The following KMT2E variants were observed in gnomAD, a reference collection of about 807,000 sequenced individuals.
KMT2E encodes the protein histone reader KMT2E.
In KMT2E, 30 loss-of-function variants were observed where a neutral mutation model predicts 184.6. The ratio of observed to expected loss-of-function variants is 0.16; its 90% CI spans 0.12 to 0.22. KMT2E has a LOEUF of 0.22. Ranked by LOEUF, KMT2E falls within the 10% of genes least tolerant of loss-of-function variation. The pLI, the probability that KMT2E is intolerant of heterozygous loss-of-function variation, is 1.00. For missense variants in KMT2E, 2,023 were observed against 2,237.4 expected (o/e 0.90, Z 1.93); for synonymous variants, 815 against 776.5 (o/e 1.05, Z -0.82).
In KMT2E at chr7:105,016,938, A is replaced by G. The variant is rs116907469; in HGVS notation, c.-189+2403A>G. Among the ~76,000 whole-genome samples the G allele has an allele frequency of 3.7e-3, 562 of 152,352 alleles. 15 individuals carry two copies. The East Asian group carries it at 0.063, about 17-fold the overall frequency. On this transcript the variant is annotated intron_variant, in intron 1 of 26. Coordinates refer to ENST00000311117, the MANE Select transcript of KMT2E (RefSeq NM_182931.3). ...TTCATCATGGAAGACTGAGCACACAACCTTACTTAGAATATTTGAAATATT... is the reference window on the plus strand; with the variant it reads ...TTCATCATGGAAGACTGAGCACACAGCCTTACTTAGAATATTTGAAATATT...
intron 6 of KMT2E, among the ~76,000 whole-genome samples, chr7:105,070,971 G>A (rs1473219248): frequency 1.3e-5 from 2 of 152,120 alleles, no homozygotes; most frequent in African/African-American, 4.8e-5. Context: ...AGTCAAATAT[G>A]TAAAGCAAGG....
At chr7:105,082,864 C>T (rs1048767404) in intron 13 of KMT2E, among the ~76,000 whole-genome samples, 5 of 152,164 alleles carry the variant, frequency 3.3e-5, no homozygotes, top group Admixed American at 6.5e-5. Flanking sequence ...GCCCTTCTGC[C>T]AGATTGTCTA....
intron 3 of KMT2E, among the ~76,000 whole-genome samples, chr7:105,047,858 A>G (rs1380075374): frequency 6.6e-6 from 1 of 152,214 alleles, no homozygotes; most frequent in Non-Finnish European, 1.5e-5. Context: ...ATAAAAGGAA[A>G]ACAACTCTGG....
intron 3 of KMT2E, among the ~76,000 whole-genome samples, chr7:105,049,407 A>G (rs1343170127): frequency 6.6e-6 from 1 of 151,492 alleles, no homozygotes; most frequent in Admixed American, 6.6e-5. Context: ...TCACACCACT[A>G]CATTCTAGCC....
chr7:105,019,411 C>A (rs1454625728), intron 1 of KMT2E, among the ~76,000 whole-genome samples: 1 of 152,036 alleles, frequency 6.6e-6, no homozygotes, highest in Non-Finnish European at 1.5e-5. Context: ...TATTGGAAAT[C>A]TCGTTTGGTT....
chr7:105,023,240 A>AAAAT (rs1326296371), intron 1 of KMT2E, among the ~76,000 whole-genome samples: 1 of 151,846 alleles, frequency 6.6e-6, no homozygotes, highest in Non-Finnish European at 1.5e-5. Context: ...GTCTCTACTA[A>AAAAT]AAATACAAAA....
intron 5 of KMT2E, 134 bp downstream of exon 5, chr7:105,063,714 C>G: frequency 1.6e-6 from 1 of 628,330 alleles, no homozygotes; most frequent in South Asian, 2.2e-5. Flanking sequence ...ACTATTGATG[C>G]AGTCCTAGAA....
At position 105,112,628 on chromosome 7, in the gene KMT2E, C is replaced by T. The variant is rs372628467; in HGVS notation, c.4872C>T (p.Ala1624=). ...CCATTCACCATCAAACTGCTGCTGC[C>T]GTAGTCCCCCCTCCTCCTCCACCAC... is the stretch of plus-strand genomic sequence containing the variant. The part of the protein sequence containing the change: ...NPTIHHQTAA[A]VVPPPPPPPP... The change falls in exon 27 of 27, where the codon GCC becomes GCT. Residue 1624 remains alanine (A), a synonymous_variant. Coordinates refer to ENST00000311117, the MANE Select transcript of KMT2E (RefSeq NM_182931.3). 46 of 1,613,740 alleles carry T rather than the reference C, an allele frequency of 2.9e-5. No homozygotes were observed. Among genetic ancestry groups the T allele is most frequent in the African/African-American group, 5.3e-5 (4 of 74,782 alleles).
chr7:105,107,089 G>T, intron 20 of KMT2E, 77 bp from the exon 21 acceptor site: 1 of 839,098 alleles, frequency 1.2e-6, no homozygotes, highest in Non-Finnish European at 1.8e-6. Context: ...TTTTCATTTT[G>T]TTTTCATTTC....
chr7:105,023,399 TC>T, intron 1 of KMT2E, among the ~76,000 whole-genome samples: 1 of 74,192 alleles, frequency 1.3e-5, no homozygotes, highest in Middle Eastern at 5.6e-3. Context: ...TGAGACTCTG[TC>T]TCAAAAAAAA....
intron 3 of KMT2E, among the ~76,000 whole-genome samples, chr7:105,054,169 T>G (rs1308921004): frequency 6.7e-6 from 1 of 149,380 alleles, no homozygotes; most frequent in Non-Finnish European, 1.5e-5. Flanking sequence ...AGACTCTGTC[T>G]CAAAAAAAAA....
At chr7:105,046,707 AAGT>A (rs1407610559) in intron 3 of KMT2E, among the ~76,000 whole-genome samples, 10 of 152,218 alleles carry the variant, frequency 6.6e-5, no homozygotes, top group African/African-American at 2.4e-4. Flanking sequence ...GTATAGGAGA[AAGT>A]AGGTTTATAG....
intron 9 of KMT2E, 26 bp from the exon 10 acceptor site, chr7:105,076,937 T>C: frequency 1.5e-6 from 2 of 1,320,426 alleles, no homozygotes; most frequent in Non-Finnish European, 2.2e-6. Flanking sequence ...TAAGTCCAGA[T>C]ACTAAAGCTC....
chr7:105,113,463 T>A lies in KMT2E; in HGVS notation c.*130T>A. 9.5e-7 allele frequency: 1 copy of A among 1,048,882 alleles called. No homozygotes were observed. Among genetic ancestry groups the A allele is most frequent in the Non-Finnish European group, 1.3e-6 (1 of 761,430 alleles). 65.0% of individuals were successfully genotyped at this position (1,048,882 alleles called of 1,614,324 possible). On this transcript the variant is annotated 3_prime_UTR_variant, in exon 27 of 27. Coordinates refer to ENST00000311117, the MANE Select transcript of KMT2E (RefSeq NM_182931.3). Reference sequence around the variant, plus strand: ...AAAAAACACCAGTGCTCTTTCGTTGTATTTTTCTCATTTTTGCTTTTTAAA... The same window carrying A: ...AAAAAACACCAGTGCTCTTTCGTTGAATTTTTCTCATTTTTGCTTTTTAAA...
chr7:105,079,275 C>T (rs1797657712), intron 12 of KMT2E, among the ~76,000 whole-genome samples: 1 of 151,524 alleles, frequency 6.6e-6, no homozygotes, highest in Non-Finnish European at 1.5e-5. Context: ...GGTGGGATTA[C>T]AGGCACGCAC....
At chr7:105,030,533 G>A (rs1282019242) in intron 1 of KMT2E, among the ~76,000 whole-genome samples, 1 of 152,216 alleles carries the variant, frequency 6.6e-6, no homozygotes, top group Non-Finnish European at 1.5e-5. Flanking sequence ...GAATTACTGT[G>A]AACTACACTT....
chr7:105,080,938 G>C (rs910038672), intron 12 of KMT2E, among the ~76,000 whole-genome samples: 10 of 152,102 alleles, frequency 6.6e-5, no homozygotes, highest in Non-Finnish European at 1.3e-4. Flanking sequence ...GAGAGGTTGG[G>C]GTTGCAGTGA....
chr7:105,110,403 T>A, intron 24 of KMT2E, 35 bp downstream of exon 24: 1 of 1,613,770 alleles, frequency 6.2e-7, no homozygotes, highest in Non-Finnish European at 8.5e-7. Flanking sequence ...GAAAGTGGAA[T>A]CAGTTAATCA....
At chr7:105,081,900 A>T in intron 13 of KMT2E, 103 bp downstream of exon 13, 1 of 571,094 alleles carries the variant, frequency 1.8e-6, no homozygotes, top group Non-Finnish European at 3.1e-6. Context: ...TTTTATTTTT[A>T]TCTATCATGA....
Sources: allele counts gnomAD v4.1 joint callset (sites outside exome capture counted in the v4.1 genomes callset), GRCh38; gene constraint gnomAD v4.1.1; transcripts MANE v1.5; gene names NCBI Gene and HGNC (gene_info 2026-07-23, HGNC 2026-07-21).